Variants in SLC30A5 observed in about 807,000 individuals in gnomAD.
SLC30A5 encodes the protein proton-coupled zinc antiporter SLC30A5.
In SLC30A5, 33 loss-of-function variants were observed where a neutral mutation model predicts 79.6. The ratio of observed to expected loss-of-function variants is 0.41; its 90% CI spans 0.31 to 0.55. The LOEUF is 0.55. Ranked by LOEUF, SLC30A5 falls within the 20% of genes least tolerant of loss-of-function variation. The probability of loss-of-function intolerance (pLI) is 0.20; values close to 1 mark genes in which losing one functional copy is unlikely to be tolerated. For missense variants in SLC30A5, 788 were observed against 928.1 expected (o/e 0.85, Z 1.96); for synonymous variants, 299 against 319.7 (o/e 0.94, Z 0.69).
chr5:69,116,424 G>C lies in SLC30A5; in HGVS notation c.1103G>C (p.Arg368Thr), dbSNP rs951467290. 1.9e-6 allele frequency: 3 copies of C among 1,605,134 alleles called. No individual in the cohort carries two copies. Residue 368 changes from arginine (R) to threonine (T), a missense_variant, in exon 10 of 16, where the codon AGA (arginine) becomes ACA (threonine). Arg to Thr is a moderately conservative substitution (Grantham distance 71). Around this residue, in one of 3 missense-constraint regions of SLC30A5, gnomAD observed 626 missense variants for 755.5 expected, o/e 0.83. Transcript: ENST00000396591. The surrounding 1 kb of genome is among the most constrained non-coding windows in gnomAD (Gnocchi z 4.0). ...SANILSSPSK[R>T]GQKGTLIGYS... The stretch of plus-strand genomic sequence containing the variant: ...AATATCTTATCATCTCCCTCTAAGA[G>C]AGGACAAAAAGGTACCCTTATTGGA...
intron 12 of SLC30A5, among the ~76,000 whole-genome samples, chr5:69,121,170 G>A (rs997224426): frequency 3.9e-5 from 6 of 152,028 alleles, no homozygotes; most frequent in African/African-American, 7.3e-5. Context: ...AAATAAATGC[G>A]AGATTACTAT....
Position 69,117,391 on chromosome 5 carries a change from C to T in SLC30A5, c.1434C>T (p.Ser478=). The T allele has an allele frequency of 6.2e-7, 1 of 1,613,800 alleles. No homozygotes were observed. Among genetic ancestry groups the T allele is most frequent in the South Asian group, 1.1e-5 (1 of 91,052 alleles). The change falls in exon 11 of 16, where the codon TCC becomes TCT. Residue 478 remains serine (S), a synonymous_variant. Transcript: ENST00000396591. The stretch of plus-strand genomic sequence containing the variant: ...GGTGGAAAGCCACTCGGATTTTCTC[C>T]TATGGGTAGGTACATTGACTGTCGA... ...MSRWKATRIF[S]YGYGRIEILS...
chr5:69,117,918 G>A (rs1268309772), intron 11 of SLC30A5, among the ~76,000 whole-genome samples: 18 of 149,962 alleles, frequency 1.2e-4, no homozygotes, highest in Non-Finnish European at 2.4e-4. Flanking sequence ...GCTCACGCCT[G>A]TAATCCCAGC....
intron 1 of SLC30A5, among the ~76,000 whole-genome samples, chr5:69,098,671 G>A (rs1745816440): frequency 6.6e-6 from 1 of 152,210 alleles, no homozygotes; most frequent in East Asian, 1.9e-4. Context: ...TAAACAACTC[G>A]GACTACCAGC....
At chr5:69,128,309 T>G (rs1220496806) in intron 15 of SLC30A5, among the ~76,000 whole-genome samples, 177 bp downstream of exon 15, 1 of 145,896 alleles carries the variant, frequency 6.9e-6, no homozygotes, top group Non-Finnish European at 1.5e-5. Flanking sequence ...TGGAGTGCAG[T>G]GGCGTGATCT....
chr5:69,113,025 G>T, intron 5 of SLC30A5, 115 bp from the exon 6 acceptor site: 1 of 769,214 alleles, frequency 1.3e-6, no homozygotes, highest in South Asian at 1.8e-5. Context: ...GTTTTTTAAT[G>T]CATTTTTGTA....
chr5:69,115,898 C>T (rs772669924), intron 8 of SLC30A5, 28 bp from the exon 9 acceptor site: 1 of 1,563,084 alleles, frequency 6.4e-7, no homozygotes, highest in Non-Finnish European at 8.7e-7. Context: ...CATGTATAGT[C>T]TTGACAATTC....
chr5:69,119,404 A>G (rs1746475464), intron 12 of SLC30A5, among the ~76,000 whole-genome samples: 1 of 151,794 alleles, frequency 6.6e-6, no homozygotes, highest in Admixed American at 6.6e-5. Context: ...TATTCTCATT[A>G]TGTTTTGTGC....
In SLC30A5 at chr5:69,116,406, TATC is replaced by T; in HGVS notation, c.1089_1091del (p.Ser364del). ...TTTCTCTTTGTAGCTGCCAATATCT[TATC>T]ATCTCCCTCTAAGAGAGGACAAAAA... On this transcript the variant is annotated inframe_deletion, in exon 10 of 16. Coordinates refer to ENST00000396591, the MANE Select transcript of SLC30A5 (RefSeq NM_022902.5). The surrounding 1 kb of genome is among the most constrained non-coding windows in gnomAD (Gnocchi z 4.0). 5 of 1,582,050 alleles carry T rather than the reference TATC, an allele frequency of 3.2e-6. No individual in the cohort carries two copies. In the South Asian group the frequency reaches 4.7e-5, roughly 15 times the overall value.
intron 6 of SLC30A5, 73 bp downstream of exon 6, chr5:69,113,300 A>G: frequency 8.8e-7 from 1 of 1,135,858 alleles, no homozygotes; most frequent in Non-Finnish European, 1.3e-6. Flanking sequence ...ATGGAAAAAG[A>G]AAGGATAAGT....
rs560957086 is a variant in SLC30A5, at chr5:69,100,946, G to T, written c.206+17G>T. The T allele has an allele frequency of 6.4e-5, 87 of 1,355,582 alleles. No individual in the cohort carries two copies. Among genetic ancestry groups the T allele is most frequent in the East Asian group, 4.8e-4 (17 of 35,266 alleles). The allele number at this position is 1,355,582 out of a possible 1,614,324, so 84.0% of individuals were successfully genotyped here. A position where few individuals can be genotyped will look rare whatever the true frequency, so the allele number is the denominator to read the frequency against. On this transcript the variant is annotated intron_variant, in intron 2 of 15. Transcript: ENST00000396591. ...AAAACTTGGGTGAGTGTGGGGGGGGGTTTTTTCTTGATATTTTTTATTTCT... is the reference window on the plus strand; with the variant it reads ...AAAACTTGGGTGAGTGTGGGGGGGGTTTTTTTCTTGATATTTTTTATTTCT...
intron 13 of SLC30A5, among the ~76,000 whole-genome samples, chr5:69,122,133 C>T (rs1053016625): frequency 3.9e-5 from 6 of 152,162 alleles, no homozygotes; most frequent in African/African-American, 7.2e-5. Context: ...TGGTGGTTCA[C>T]GCCTGTTAAT....
intron 1 of SLC30A5, among the ~76,000 whole-genome samples, chr5:69,098,163 T>C (rs1745801182): frequency 6.6e-6 from 1 of 152,084 alleles, no homozygotes; most frequent in Non-Finnish European, 1.5e-5. Flanking sequence ...TATAAACCAT[T>C]ATTTCCCATT....
chr5:69,123,242 T>C lies in SLC30A5; in HGVS notation c.1815T>C (p.Gly605=). 1 of 1,613,772 alleles carries C rather than the reference T, an allele frequency of 6.2e-7. No individual in the cohort carries two copies. Among genetic ancestry groups the C allele is most frequent in the Non-Finnish European group, 8.5e-7 (1 of 1,179,840 alleles). ...HVLADTLGSI[G]VIVSTVLIEQ... ...TGGCAGATACACTTGGCAGCATTGG[T>C]GTGATCGTATCCACAGTTCTTATAG... The change falls in exon 14 of 16, where the codon GGT becomes GGC. Residue 605 remains glycine, a synonymous_variant. Transcript: ENST00000396591.
intron 1 of SLC30A5, among the ~76,000 whole-genome samples, chr5:69,099,848 C>T (rs1345469728): frequency 6.6e-6 from 1 of 152,208 alleles, no homozygotes; most frequent in Non-Finnish European, 1.5e-5. Context: ...AATAGTCCAG[C>T]AACTCGATCA....
chr5:69,115,938 T>C lies in SLC30A5; in HGVS notation c.796T>C (p.Ser266Pro). 6.2e-7 allele frequency: 1 copy of C among 1,608,654 alleles called. No individual in the cohort carries two copies. Among genetic ancestry groups the C allele is most frequent in the Non-Finnish European group, 8.5e-7 (1 of 1,177,130 alleles). ...LSVTTESKVE[S>P]WFSLIMPFAT... ...TTTTAATTTCTAGAGTAAAGTGGAG[T>C]CTTGGTTTTCTCTCATTATGCCTTT... Residue 266 changes from serine to proline, a missense_variant, in exon 9 of 16, where the codon TCT (serine) becomes CCT (proline). Ser to Pro is a moderately conservative substitution (Grantham distance 74, BLOSUM62 -1). Transcript: ENST00000396591.
At chr5:69,107,710 G>T (rs925606623) in intron 4 of SLC30A5, among the ~76,000 whole-genome samples, 2 of 151,094 alleles carry the variant, frequency 1.3e-5, no homozygotes, top group African/African-American at 4.9e-5. Flanking sequence ...ATGTTATGCA[G>T]CACATGGGTA....
At chr5:69,103,388 C>G (rs752186822) in intron 3 of SLC30A5, among the ~76,000 whole-genome samples, 8 of 152,118 alleles carry the variant, frequency 5.3e-5, no homozygotes, top group Non-Finnish European at 1.0e-4. Flanking sequence ...GTACACACTT[C>G]TTATTCTGAA....
intron 1 of SLC30A5, among the ~76,000 whole-genome samples, chr5:69,095,723 G>T (rs337257): frequency 0.17 from 26,586 of 151,926 alleles, 2,792 homozygotes; most frequent in East Asian, 0.37. Flanking sequence ...GATGTTACTG[G>T]GTCAATTGAC....
Sources: allele counts gnomAD v4.1 joint callset (sites outside exome capture counted in the v4.1 genomes callset), GRCh38; gene constraint gnomAD v4.1.1; regional missense constraint gnomAD v4.1.1; non-coding constraint Gnocchi (gnomAD v3.1); transcripts MANE v1.5; gene names NCBI Gene and HGNC (gene_info 2026-07-23, HGNC 2026-07-21).